AMBRA1: variants seen among roughly 807,000 people sequenced by gnomAD.
AMBRA1 encodes autophagy and beclin 1 regulator 1.
Under a neutral mutation model 125.4 loss-of-function variants are expected in AMBRA1, and 47 were observed. The ratio of observed to expected loss-of-function variants is 0.37; its 90% CI spans 0.30 to 0.48. The LOEUF (loss-of-function observed/expected upper bound fraction) is 0.48, where lower values mean the gene tolerates loss of function less well. AMBRA1 is among the 20% of genes least tolerant of loss of function. The probability of loss-of-function intolerance (pLI) is 0.99; values close to 1 mark genes in which losing one functional copy is unlikely to be tolerated. For missense variants in AMBRA1, 1,331 were observed against 1,693.4 expected, an observed-to-expected ratio of 0.79 and a Z score of 3.76; for synonymous variants, 626 against 655.5, an observed-to-expected ratio of 0.95 and a Z score of 0.69.
chr11:46,557,258 G>T (rs888345374), intron 1 of AMBRA1, among the ~76,000 whole-genome samples: 1 of 145,306 alleles, frequency 6.9e-6, no homozygotes, highest in African/African-American at 2.6e-5. Context: ...CCGAGATCAC[G>T]CCACTGCACT....
chr11:46,525,652 GA>G (rs1189736223), intron 7 of AMBRA1, among the ~76,000 whole-genome samples: 2 of 152,096 alleles, frequency 1.3e-5, no homozygotes, highest in Non-Finnish European at 2.9e-5. Flanking sequence ...TCTGGTGGCT[GA>G]GGCAGAAGAA....
chr11:46,519,607 C>T (rs1251930681), intron 7 of AMBRA1, among the ~76,000 whole-genome samples: 1 of 152,178 alleles, frequency 6.6e-6, no homozygotes, highest in East Asian at 1.9e-4. Flanking sequence ...ACTGGTGCCC[C>T]ATGCCTAATG....
At chr11:46,444,402 A>C (rs1948175237) in intron 11 of AMBRA1, among the ~76,000 whole-genome samples, 1 of 152,198 alleles carries the variant, frequency 6.6e-6, no homozygotes, top group African/African-American at 2.4e-5. Context: ...TTTTTTTAAC[A>C]GGGTGACACT....
In AMBRA1 at chr11:46,548,191, C is replaced by T. The variant is rs545571669; in HGVS notation, c.135+55G>A. The T allele has an allele frequency of 1.9e-6, 3 of 1,610,150 alleles. No homozygotes were observed. The East Asian group carries it at 6.7e-5, about 36-fold the overall frequency. ...CTCTGCTGTTAACCCATTCTAAGGT[C>T]TCATTCTACCATCACCAGCACAAAT... On this transcript the variant is annotated intron_variant, in intron 2 of 17. Coordinates refer to ENST00000683756, the MANE Select transcript of AMBRA1 (RefSeq NM_001387011.1).
Position 46,435,040 on chromosome 11 carries a change from G to A in AMBRA1, c.2633-3C>T. 6.3e-7 allele frequency: 1 copy of A among 1,596,316 alleles called. No individual in the cohort carries two copies. The highest frequency in any genetic ancestry group is 2.2e-5 in the East Asian group (1 of 44,588). On this transcript the variant is annotated splice_polypyrimidine_tract_variant and splice_region_variant and intron_variant, in intron 12 of 17. Transcript: ENST00000683756. ...CTGCACCAGCACATTCACGGAAGCT[G>A]CATCAGACAAAGAAAGAAAAGAGGA...
At position 46,428,948 on chromosome 11, in the gene AMBRA1, T is replaced by C. The variant is rs1947308084; in HGVS notation, c.2976+4526A>G. 11 of 1,612,058 alleles carry C rather than the reference T, an allele frequency of 6.8e-6. No homozygotes were observed. The Admixed American group carries it at 1.3e-4, about 20-fold the overall frequency. ...GATACCCTCATTGGTAAGGTACCAG[T>C]AGAAATGTCTCCAGGCAAACTGTTC... On this transcript the variant is annotated intron_variant, in intron 14 of 17. Coordinates refer to ENST00000683756, the MANE Select transcript of AMBRA1 (RefSeq NM_001387011.1).
intron 11 of AMBRA1, among the ~76,000 whole-genome samples, chr11:46,468,129 G>A (rs1949408176): frequency 6.6e-6 from 1 of 152,150 alleles, no homozygotes. Context: ...TGAAGAAATG[G>A]CCAAACAACA....
chr11:46,410,208 G>T, intron 16 of AMBRA1, 68 bp downstream of exon 16: 1 of 1,474,282 alleles, frequency 6.8e-7, no homozygotes, highest in Non-Finnish European at 9.5e-7. Flanking sequence ...CTGCTTAAGA[G>T]CCCATCAAAA....
chr11:46,441,238 G>A (rs1947986812), intron 12 of AMBRA1, among the ~76,000 whole-genome samples: 1 of 152,162 alleles, frequency 6.6e-6, no homozygotes, highest in South Asian at 2.1e-4. Flanking sequence ...GCTGGGCCGG[G>A]CACGGTGGCT....
intron 17 of AMBRA1, among the ~76,000 whole-genome samples, chr11:46,402,554 T>TG (rs1469439288): frequency 6.6e-6 from 1 of 152,002 alleles, no homozygotes; most frequent in African/African-American, 2.4e-5. Context: ...TTAGTAGAGA[T>TG]GGGGTTTCAC....
At chr11:46,468,173 G>T (rs1268856831) in intron 11 of AMBRA1, among the ~76,000 whole-genome samples, 1 of 152,058 alleles carries the variant, frequency 6.6e-6, no homozygotes, top group East Asian at 1.9e-4. Flanking sequence ...TGAATTATAA[G>T]AACAATAGAT....
At chr11:46,416,755 T>C (rs1946563839) in intron 15 of AMBRA1, among the ~76,000 whole-genome samples, 1 of 152,192 alleles carries the variant, frequency 6.6e-6, no homozygotes, top group Non-Finnish European at 1.5e-5. Flanking sequence ...GAGGTCAACA[T>C]GAGGACAGCC....
At chr11:46,534,948 A>T (rs1468410326) in intron 7 of AMBRA1, among the ~76,000 whole-genome samples, 1 of 152,252 alleles carries the variant, frequency 6.6e-6, no homozygotes, top group African/African-American at 2.4e-5. Context: ...TGCTGGGATT[A>T]CAGGCATGAG....
At chr11:46,426,411 T>C (rs1050924788) in intron 14 of AMBRA1, among the ~76,000 whole-genome samples, 1 of 152,228 alleles carries the variant, frequency 6.6e-6, no homozygotes, top group Non-Finnish European at 1.5e-5. Context: ...TTTTGTTCAC[T>C]GCTGCATTCC....
At chr11:46,439,958 G>A (rs760301262) in intron 12 of AMBRA1, among the ~76,000 whole-genome samples, 3 of 151,630 alleles carry the variant, frequency 2.0e-5, no homozygotes, top group Non-Finnish European at 4.4e-5. Flanking sequence ...CCAAAAATTT[G>A]ATAGTACATT....
chr11:46,492,794 A>G (rs1168609188), intron 11 of AMBRA1, among the ~76,000 whole-genome samples: 1 of 152,256 alleles, frequency 6.6e-6, no homozygotes, highest in Non-Finnish European at 1.5e-5. Context: ...TCACGCCTGT[A>G]ATCCCGGCAC....
At position 46,565,240 on chromosome 11, in the gene AMBRA1, CAG is replaced by C. The variant is rs565391850; in HGVS notation, c.-120-16742_-120-16741del. On this transcript the variant is annotated intron_variant, in intron 1 of 17. Transcript: ENST00000683756. ...GCCATTGCACTCCAAGCCTGGGAGACAGAGAAAAATTCCCTCTAAAAAAAAAA... is the reference window on the plus strand; with the variant it reads ...GCCATTGCACTCCAAGCCTGGGAGACAGAAAAATTCCCTCTAAAAAAAAAA... Among the ~76,000 whole-genome samples the C allele has an allele frequency of 2.7e-4, 41 of 151,138 alleles. 1 individual carries two copies. The highest frequency in any genetic ancestry group is 9.5e-4 in the African/African-American group (39 of 41,164).
intron 8 of AMBRA1, among the ~76,000 whole-genome samples, chr11:46,509,220 A>G (rs1397518247): frequency 1.3e-5 from 2 of 152,214 alleles, no homozygotes; most frequent in Non-Finnish European, 2.9e-5. Flanking sequence ...TACGGCTTTA[A>G]TATCTTGCTA....
chr11:46,556,128 G>T (rs764607562), intron 1 of AMBRA1, among the ~76,000 whole-genome samples: 4 of 152,164 alleles, frequency 2.6e-5, no homozygotes, highest in Non-Finnish European at 5.9e-5. Context: ...GCCTAAAACT[G>T]CCCCAGTACT....
Sources: allele counts gnomAD v4.1 joint callset (sites outside exome capture counted in the v4.1 genomes callset), GRCh38; gene constraint gnomAD v4.1.1; transcripts MANE v1.5; gene names NCBI Gene and HGNC (gene_info 2026-07-23, HGNC 2026-07-21).